Variants in SLC41A3 observed in about 807,000 individuals in gnomAD.
The protein encoded by SLC41A3 is SLC41A1-like 2.
Under a neutral mutation model 45.4 loss-of-function variants are expected in SLC41A3, and 44 were observed. The observed-to-expected ratio is 0.97, with a 90% CI of 0.76 to 1.25. SLC41A3 has a LOEUF of 1.25. SLC41A3 is among the 50% of genes most tolerant of loss of function. SLC41A3 has a pLI of 0.00. For synonymous variants in SLC41A3, 256 were observed against 252.4 expected, an observed-to-expected ratio of 1.01 and a Z score of -0.13; for missense variants, 550 against 600.6, an observed-to-expected ratio of 0.92 and a Z score of 0.88.
chr3:126,056,354 G>C lies in SLC41A3; in HGVS notation c.274-5304C>G, dbSNP rs768236743. ...CCCTGATCCCCCAAACACCCAGTAC[G>C]CACTTGAATGGTGTTCATCACCAGG... On this transcript the variant is annotated intron_variant, in intron 2 of 10. Transcript: ENST00000360370. The C allele has an allele frequency of 2.5e-6, 4 of 1,613,526 alleles. No homozygotes were observed. The Admixed American group carries it at 6.7e-5, about 27-fold the overall frequency.
At chr3:126,097,859 G>A (rs902165117) in intron 1 of SLC41A3, among the ~76,000 whole-genome samples, 2 of 152,182 alleles carry the variant, frequency 1.3e-5, no homozygotes, top group Admixed American at 1.3e-4. Context: ...CAGCACACAG[G>A]ATCCACTTCT....
intron 1 of SLC41A3, among the ~76,000 whole-genome samples, chr3:126,074,279 T>G (rs564387205): frequency 6.6e-6 from 1 of 151,770 alleles, no homozygotes; most frequent in Non-Finnish European, 1.5e-5. Context: ...ATAAGAGGAA[T>G]AGAAGGGAAT....
intron 2 of SLC41A3, chr3:126,056,492 T>C: frequency 6.2e-7 from 1 of 1,614,198 alleles, no homozygotes; most frequent in Non-Finnish European, 8.5e-7. Flanking sequence ...AGCTCACAGC[T>C]GAAGCCTCGC....
chr3:126,012,246 T>G (rs1471640992), intron 9 of SLC41A3, among the ~76,000 whole-genome samples: 1 of 152,186 alleles, frequency 6.6e-6, no homozygotes, highest in Non-Finnish European at 1.5e-5. Flanking sequence ...CCAAGTGTAT[T>G]TCCTCTAATT....
At chr3:126,072,141 A>T (rs1195868091) in intron 1 of SLC41A3, among the ~76,000 whole-genome samples, 3 of 152,184 alleles carry the variant, frequency 2.0e-5, no homozygotes, top group Admixed American at 2.0e-4. Flanking sequence ...TTTCTTTGAG[A>T]TGAATGAAAA....
chr3:126,006,612 G>C lies in SLC41A3; in HGVS notation c.*404C>G, dbSNP rs11543284. The C allele has an allele frequency of 0.11, 165,183 of 1,564,128 alleles. 10,072 individuals are homozygous for C. Among genetic ancestry groups the C allele is most frequent in the Non-Finnish European group, 0.12 (140,409 of 1,162,382 alleles). ...CACAGCTCAAGAGTTCTGAGGCTTGGGAACAGAAAAGAGCTCCTTCCTGCT... is the reference window on the plus strand; with the variant it reads ...CACAGCTCAAGAGTTCTGAGGCTTGCGAACAGAAAAGAGCTCCTTCCTGCT... On this transcript the variant is annotated 3_prime_UTR_variant, in exon 11 of 11. Transcript: ENST00000360370.
chr3:126,049,484 CA>C (rs942401031), intron 3 of SLC41A3, among the ~76,000 whole-genome samples: 8 of 148,588 alleles, frequency 5.4e-5, no homozygotes, highest in South Asian at 2.2e-4. Context: ...AAAACTGTCT[CA>C]AAAAAAAAAT....
chr3:126,066,656 T>C (rs1301467038), intron 2 of SLC41A3, among the ~76,000 whole-genome samples: 1 of 152,186 alleles, frequency 6.6e-6, no homozygotes, highest in Non-Finnish European at 1.5e-5. Flanking sequence ...GGAAAAATTA[T>C]AAAGATAGTT....
At chr3:126,075,895 G>A (rs986565800) in intron 1 of SLC41A3, among the ~76,000 whole-genome samples, 1 of 152,158 alleles carries the variant, frequency 6.6e-6, no homozygotes, top group African/African-American at 2.4e-5. Context: ...ATGAAATACA[G>A]GTGTAAATCC....
chr3:126,095,852 A>G (rs1452934461), intron 1 of SLC41A3, among the ~76,000 whole-genome samples: 2 of 152,222 alleles, frequency 1.3e-5, no homozygotes, highest in Non-Finnish European at 2.9e-5. Context: ...CTATGTTCAG[A>G]TGGTCTGAAC....
At chr3:126,061,303 C>G (rs1277550710) in intron 2 of SLC41A3, among the ~76,000 whole-genome samples, 1 of 152,156 alleles carries the variant, frequency 6.6e-6, no homozygotes, top group African/African-American at 2.4e-5. Context: ...CTGGCAGAAC[C>G]CACCCACAGG....
chr3:126,096,862 G>A (rs1377930032), intron 1 of SLC41A3, among the ~76,000 whole-genome samples: 1 of 152,170 alleles, frequency 6.6e-6, no homozygotes. Flanking sequence ...CTGGGTTAGG[G>A]TCTCCCCAAC....
intron 3 of SLC41A3, among the ~76,000 whole-genome samples, chr3:126,048,934 CAAAGT>C (rs1559856057): frequency 6.7e-6 from 1 of 149,496 alleles, no homozygotes. Flanking sequence ...AAAAAAAAAA[CAAAGT>C]AAAACCTTTG....
In SLC41A3 at chr3:126,006,914, G is replaced by C; in HGVS notation, c.*102C>G. 1.3e-6 allele frequency: 2 copies of C among 1,567,798 alleles called. No individual in the cohort carries two copies. The highest frequency in any genetic ancestry group is 1.7e-6 in the Non-Finnish European group (2 of 1,157,024). On this transcript the variant is annotated 3_prime_UTR_variant, in exon 11 of 11. Coordinates refer to ENST00000360370, the MANE Select transcript of SLC41A3 (RefSeq NM_017836.4). ...CTCACAAAAGGCTACTGCAGAGGCA[G>C]GGGTCAACCATCCCAAGGACCTGGC...
rs75999825 is a variant in SLC41A3 at position 126,028,478 on chromosome 3, C to T, written c.454-1999G>A. On this transcript the variant is annotated intron_variant, in intron 4 of 10. Coordinates refer to ENST00000360370, the MANE Select transcript of SLC41A3 (RefSeq NM_017836.4). Reference sequence around the variant, plus strand: ...TGCAAAGTTGAGGCTTCAGAGCCTCCGCCTGGATTTCAGAGGATGTATGGA... The same window carrying T: ...TGCAAAGTTGAGGCTTCAGAGCCTCTGCCTGGATTTCAGAGGATGTATGGA... 1.8e-3 allele frequency among the ~76,000 whole-genome samples: 274 copies of T among 152,378 alleles called. 1 individual carries two copies. The highest frequency in any genetic ancestry group is 6.4e-3 in the African/African-American group (265 of 41,596).
At chr3:126,075,860 GCTAAAACTAC>G (rs1272246318) in intron 1 of SLC41A3, among the ~76,000 whole-genome samples, 2 of 152,132 alleles carry the variant, frequency 1.3e-5, no homozygotes, top group African/African-American at 2.4e-5. Flanking sequence ...AAACATAAGA[GCTAAAACTAC>G]CTAAAACACT....
At chr3:126,039,830 G>A (rs1487689424) in intron 3 of SLC41A3, among the ~76,000 whole-genome samples, 1 of 152,228 alleles carries the variant, frequency 6.6e-6, no homozygotes, top group African/African-American at 2.4e-5. Context: ...GATCTTATCT[G>A]TGGATATGTG....
At position 126,067,928 on chromosome 3, in the gene SLC41A3, C is replaced by A. The variant is rs763669217; in HGVS notation, c.273+19G>T. 2 of 1,565,858 alleles carry A rather than the reference C, an allele frequency of 1.3e-6. No homozygotes were observed. The highest frequency in any genetic ancestry group is 2.3e-5 in the East Asian group (1 of 44,392). On this transcript the variant is annotated intron_variant, in intron 2 of 10. Transcript: ENST00000360370. ...TTCGGCAGTGCCCCGCTCCCTGTCC[C>A]CATTTAGTTCCCTCTTACCTGGAAA... is the stretch of plus-strand genomic sequence containing the variant.
At chr3:126,048,532 A>C (rs923335172) in intron 3 of SLC41A3, among the ~76,000 whole-genome samples, 2 of 152,248 alleles carry the variant, frequency 1.3e-5, no homozygotes, top group African/African-American at 4.8e-5. Context: ...GAAGGCAAGC[A>C]TATCACTAAT....
Sources: gnomAD v4.1 joint callset for allele counts (sites outside exome capture counted in the v4.1 genomes callset) on GRCh38, gnomAD v4.1.1 for gene constraint, MANE v1.5 for transcripts, NCBI Gene and HGNC (gene_info 2026-07-23, HGNC 2026-07-21) for gene names.